Variants in CDH12 observed in about 807,000 individuals in gnomAD.
CDH12 encodes cadherin-12.
CDH12 carries 41 observed loss-of-function variants against 74.1 expected under a neutral mutation model. The ratio of observed to expected loss-of-function variants is 0.55; its 90% confidence interval spans 0.43 to 0.72. CDH12 has a LOEUF of 0.72. Among genes scored for constraint, CDH12 ranks in the 30% least tolerant of loss-of-function variants. CDH12 has a pLI of 0.00. For synonymous variants in CDH12, 399 were observed against 355.0 expected (o/e 1.12, Z -1.39); for missense variants, 945 against 977.2 (o/e 0.97, Z 0.44).
chr5:22,082,914 T>A (rs1304009597), intron 4 of CDH12, among the ~76,000 whole-genome samples: 1 of 152,212 alleles, frequency 6.6e-6, no homozygotes, highest in Non-Finnish European at 1.5e-5. Context: ...CAAAGTAGGC[T>A]GAACTTTACT....
chr5:22,521,831 G>A (rs893273234), intron 1 of CDH12, among the ~76,000 whole-genome samples: 1 of 152,102 alleles, frequency 6.6e-6, no homozygotes, highest in African/African-American at 2.4e-5. Context: ...GCAGCCTATC[G>A]ATCTCTGACT....
At position 22,574,613 on chromosome 5, in the gene CDH12, G is replaced by T. The variant is rs996649934; in HGVS notation, c.-522-69249C>A. Among the ~76,000 whole-genome samples the T allele has an allele frequency of 3.9e-5, 6 of 152,140 alleles. No individual in the cohort carries two copies. In the East Asian group the frequency reaches 1.2e-3, roughly 30 times the overall value. The stretch of plus-strand genomic sequence containing the variant: ...ACTGTATCTTTCTCAAATTCCATAA[G>T]ATGGATTTCTATTATATGTGTTCCC... On this transcript the variant is annotated intron_variant, in intron 1 of 14. Transcript: ENST00000382254.
At chr5:22,558,988 T>G (rs1208176015) in intron 1 of CDH12, among the ~76,000 whole-genome samples, 3 of 152,108 alleles carry the variant, frequency 2.0e-5, no homozygotes, top group Non-Finnish European at 2.9e-5. Flanking sequence ...GTATGTTGGT[T>G]TGGTTCTTTG....
At chr5:21,894,739 CA>C (rs1199360155) in intron 6 of CDH12, among the ~76,000 whole-genome samples, 1 of 150,240 alleles carries the variant, frequency 6.7e-6, no homozygotes, top group African/African-American at 2.5e-5. Context: ...CATTTAAAAC[CA>C]AGGCAGAGTT....
chr5:22,768,642 A>G (rs1243479305), intron 1 of CDH12, among the ~76,000 whole-genome samples: 4 of 152,144 alleles, frequency 2.6e-5, no homozygotes, highest in Non-Finnish European at 4.4e-5. Flanking sequence ...CTCTATCATC[A>G]TCTATAAAGA....
At chr5:22,057,152 A>C (rs1036347675) in intron 5 of CDH12, among the ~76,000 whole-genome samples, 1 of 152,206 alleles carries the variant, frequency 6.6e-6, no homozygotes, top group African/African-American at 2.4e-5. Flanking sequence ...TAACTACTCA[A>C]CTTCACCATT....
At chr5:22,724,413 T>C (rs1744058431) in intron 1 of CDH12, among the ~76,000 whole-genome samples, 1 of 151,800 alleles carries the variant, frequency 6.6e-6, no homozygotes, top group South Asian at 2.1e-4. Flanking sequence ...GTCTCCAAAG[T>C]GCATTATATC....
chr5:22,217,380 A>C (rs1751843467), intron 3 of CDH12, among the ~76,000 whole-genome samples: 1 of 151,882 alleles, frequency 6.6e-6, no homozygotes, highest in Admixed American at 6.6e-5. Flanking sequence ...ATTGGAGAGC[A>C]TACTTAAAGA....
At chr5:21,961,417 T>C (rs1050355285) in intron 6 of CDH12, among the ~76,000 whole-genome samples, 1 of 152,184 alleles carries the variant, frequency 6.6e-6, no homozygotes, top group Non-Finnish European at 1.5e-5. Context: ...GTACAGAGCA[T>C]ATAGTTTTGT....
At chr5:22,388,575 TAAC>T (rs1209991937) in intron 3 of CDH12, among the ~76,000 whole-genome samples, 4 of 152,270 alleles carry the variant, frequency 2.6e-5, no homozygotes, top group East Asian at 1.9e-4. Context: ...TATTTTTTGA[TAAC>T]AACACTTTTT....
chr5:22,166,421 C>A (rs1580349297), intron 4 of CDH12, among the ~76,000 whole-genome samples: 1 of 152,212 alleles, frequency 6.6e-6, no homozygotes, highest in East Asian at 1.9e-4. Flanking sequence ...ATGCCCATAC[C>A]ATATTGTCTA....
At chr5:21,901,422 A>G (rs1029172546) in intron 6 of CDH12, among the ~76,000 whole-genome samples, 3 of 152,190 alleles carry the variant, frequency 2.0e-5, no homozygotes, top group Admixed American at 6.5e-5. Flanking sequence ...ACCCAGGTAA[A>G]TAGCTTTGAG....
intron 1 of CDH12, among the ~76,000 whole-genome samples, chr5:22,517,068 A>G (rs1196855784): frequency 6.6e-6 from 1 of 152,082 alleles, no homozygotes; most frequent in Non-Finnish European, 1.5e-5. Flanking sequence ...GTAAGGTTAT[A>G]TATCAGTAGG....
intron 3 of CDH12, among the ~76,000 whole-genome samples, chr5:22,302,098 T>C (rs887535127): frequency 6.6e-6 from 1 of 152,122 alleles, no homozygotes; most frequent in African/African-American, 2.4e-5. Context: ...TTTAGTTTTA[T>C]ATATTACACA....
intron 1 of CDH12, among the ~76,000 whole-genome samples, chr5:22,761,018 T>C (rs1447218187): frequency 2.0e-5 from 3 of 152,200 alleles, no homozygotes; most frequent in Non-Finnish European, 2.9e-5. Flanking sequence ...ATGTTTTGCA[T>C]TCTTATATCA....
chr5:22,573,518 G>A (rs546073875), intron 1 of CDH12, among the ~76,000 whole-genome samples: 3 of 152,202 alleles, frequency 2.0e-5, no homozygotes, highest in Non-Finnish European at 4.4e-5. Flanking sequence ...GAATTATTTA[G>A]CATGTGGTTA....
intron 8 of CDH12, among the ~76,000 whole-genome samples, chr5:21,829,965 G>C (rs764257490): frequency 2.6e-5 from 4 of 151,878 alleles, no homozygotes; most frequent in Non-Finnish European, 5.9e-5. Flanking sequence ...TTGGGAGGCC[G>C]AGGCAGGTGG....
chr5:22,575,791 C>G (rs2126773571), intron 1 of CDH12, among the ~76,000 whole-genome samples: 1 of 152,288 alleles, frequency 6.6e-6, no homozygotes, highest in East Asian at 1.9e-4. Context: ...TCTTGAACAC[C>G]TGACCTCAAG....
At chr5:21,867,601 G>C (rs763515072) in intron 6 of CDH12, among the ~76,000 whole-genome samples, 5 of 152,186 alleles carry the variant, frequency 3.3e-5, no homozygotes, top group Non-Finnish European at 7.3e-5. Flanking sequence ...CTTGGGGCCT[G>C]TAGCCCCTTT....
Sources: gnomAD v4.1 joint callset for allele counts (sites outside exome capture counted in the v4.1 genomes callset) on GRCh38, gnomAD v4.1.1 for gene constraint, MANE v1.5 for transcripts, NCBI Gene and HGNC (gene_info 2026-07-23, HGNC 2026-07-21) for gene names.